ATG10: variants seen among roughly 807,000 people sequenced by gnomAD.
ATG10 encodes the protein ubiquitin-like-conjugating enzyme ATG10.
ATG10 carries 30 observed loss-of-function variants against 32.1 expected under a neutral mutation model. The ratio of observed to expected loss-of-function variants is 0.94; its 90% CI spans 0.70 to 1.27. The LOEUF is 1.27. Ranked by LOEUF, ATG10 falls within the 50% of genes most tolerant of loss-of-function variation. ATG10 has a pLI of 0.00. For missense variants in ATG10, 233 were observed against 262.3 expected, an observed-to-expected ratio of 0.89 and a Z score of 0.77; for synonymous variants, 87 against 91.5, an observed-to-expected ratio of 0.95 and a Z score of 0.28.
rs943214819 is a variant in ATG10 at position 82,015,355 on chromosome 5, T to A, written c.108+27677T>A. On this transcript the variant is annotated intron_variant, in intron 2 of 7. Transcript: ENST00000282185. The stretch of plus-strand genomic sequence containing the variant: ...TCTTTGTGGCATTCTCTGTATTTCC[T>A]GAATTTGAATATTGGCCTGCCTTGC... Among the ~76,000 whole-genome samples, 6 of 152,230 alleles carry A rather than the reference T, an allele frequency of 3.9e-5. No homozygotes were observed. In the South Asian group the frequency reaches 6.2e-4, roughly 16 times the overall value.
At chr5:82,026,857 G>C (rs758951785) in intron 2 of ATG10, among the ~76,000 whole-genome samples, 3 of 151,608 alleles carry the variant, frequency 2.0e-5, no homozygotes, top group Non-Finnish European at 4.4e-5. Flanking sequence ...TCAGGAGTTC[G>C]AGACCACCCT....
chr5:82,210,563 T>G (rs1745455699), intron 5 of ATG10, among the ~76,000 whole-genome samples: 1 of 152,212 alleles, frequency 6.6e-6, no homozygotes, highest in Non-Finnish European at 1.5e-5. Flanking sequence ...CCTTTTCTCC[T>G]GATTCTTTGA....
chr5:82,064,967 C>A (rs1364441890), intron 3 of ATG10, among the ~76,000 whole-genome samples: 1 of 152,094 alleles, frequency 6.6e-6, no homozygotes, highest in Non-Finnish European at 1.5e-5. Context: ...TGCCTAAGGA[C>A]AATAGCTAGG....
chr5:82,105,052 C>A (rs551613556), intron 3 of ATG10, among the ~76,000 whole-genome samples: 1 of 152,198 alleles, frequency 6.6e-6, no homozygotes, highest in African/African-American at 2.4e-5. Context: ...TGTTACCACA[C>A]ACTTGCACAT....
At chr5:82,110,005 T>C (rs1233777562) in intron 3 of ATG10, among the ~76,000 whole-genome samples, 2 of 143,188 alleles carry the variant, frequency 1.4e-5, no homozygotes, top group Non-Finnish European at 3.0e-5. Context: ...TGTGTCCAAA[T>C]GTTCTCATTG....
rs563996458 is a variant in ATG10, at chr5:82,202,971, G to A, written c.453+24384G>A. Among the ~76,000 whole-genome samples, 105 of 152,274 alleles carry A rather than the reference G, an allele frequency of 6.9e-4. 2 individuals carry two copies. The highest frequency in any genetic ancestry group is 6.8e-3 in the South Asian group (33 of 4,826). ...GGGCTGGGTGTGGTGGCTCATGCCTGTAATCCCAGCGCTTTGGAGGCCGAG... is the reference window on the plus strand; with the variant it reads ...GGGCTGGGTGTGGTGGCTCATGCCTATAATCCCAGCGCTTTGGAGGCCGAG... On this transcript the variant is annotated intron_variant, in intron 5 of 7. Coordinates refer to ENST00000282185, the MANE Select transcript of ATG10 (RefSeq NM_031482.5).
intron 3 of ATG10, among the ~76,000 whole-genome samples, chr5:82,158,514 A>G (rs943321557): frequency 2.0e-5 from 3 of 152,132 alleles, no homozygotes; most frequent in Non-Finnish European, 4.4e-5. Flanking sequence ...CATAGCATTT[A>G]CATTGTATTA....
intron 5 of ATG10, among the ~76,000 whole-genome samples, chr5:82,194,817 T>TA (rs1345345772): frequency 6.6e-6 from 1 of 152,198 alleles, no homozygotes; most frequent in African/African-American, 2.4e-5. Context: ...GCCCTGTAGG[T>TA]ATGCTCTGGA....
intron 3 of ATG10, among the ~76,000 whole-genome samples, chr5:82,122,908 T>A (rs183057601): frequency 8.5e-5 from 13 of 152,308 alleles, no homozygotes; most frequent in Admixed American, 7.9e-4. Context: ...ACACTGTTGG[T>A]GGGAGTGTAA....
intron 2 of ATG10, among the ~76,000 whole-genome samples, chr5:82,017,043 A>AT (rs1214094240): frequency 6.6e-6 from 1 of 151,762 alleles, no homozygotes; most frequent in Non-Finnish European, 1.5e-5. Context: ...AGAGCGTGGG[A>AT]TGTGTTTCTA....
rs577140195 is a variant in ATG10, at chr5:82,155,275, T to C, written c.217-9124T>C. 8.5e-5 allele frequency among the ~76,000 whole-genome samples: 13 copies of C among 152,294 alleles called. No individual in the cohort carries two copies. The South Asian group carries it at 2.7e-3, about 32-fold the overall frequency. On this transcript the variant is annotated intron_variant, in intron 3 of 7. Transcript: ENST00000282185. ...ATTTCTTAGACCCTTGGAAATGTAATGTAACATCCTAAGACAGGAAAAAAA... is the reference window on the plus strand; with the variant it reads ...ATTTCTTAGACCCTTGGAAATGTAACGTAACATCCTAAGACAGGAAAAAAA...
rs113447417 is a variant in ATG10 at position 82,185,113 on chromosome 5, C to T, written c.453+6526C>T. On this transcript the variant is annotated intron_variant, in intron 5 of 7. Transcript: ENST00000282185. ...GCATGTATATGCACACACATGAGCA[C>T]GTACACATACACATGCCCCTCTTGG... is the stretch of plus-strand genomic sequence containing the variant. 1.3e-3 allele frequency among the ~76,000 whole-genome samples: 199 copies of T among 152,354 alleles called. 2 individuals are homozygous for T. In the East Asian group the frequency reaches 0.026, roughly 20 times the overall value.
intron 2 of ATG10, among the ~76,000 whole-genome samples, chr5:82,014,072 T>C (rs1389383297): frequency 1.3e-5 from 2 of 152,240 alleles, no homozygotes; most frequent in Non-Finnish European, 2.9e-5. Flanking sequence ...ATTTCTGCCT[T>C]CATTTAGTTA....
intron 5 of ATG10, among the ~76,000 whole-genome samples, chr5:82,218,496 G>A (rs1745786809): frequency 6.6e-6 from 1 of 152,096 alleles, no homozygotes; most frequent in South Asian, 2.1e-4. Flanking sequence ...CGGGAGTGGT[G>A]GAGATAGACC....
intron 3 of ATG10, among the ~76,000 whole-genome samples, chr5:82,126,959 A>G (rs2149835826): frequency 6.6e-6 from 1 of 152,030 alleles, no homozygotes; most frequent in East Asian, 2.0e-4. Flanking sequence ...CAGTTTCAGA[A>G]CTTGTTATTG....
chr5:82,188,262 C>T (rs1744529081), intron 5 of ATG10, among the ~76,000 whole-genome samples: 1 of 152,046 alleles, frequency 6.6e-6, no homozygotes, highest in African/African-American at 2.4e-5. Context: ...GGTTAATGTT[C>T]TTTGTTATGT....
intron 3 of ATG10, among the ~76,000 whole-genome samples, chr5:82,061,401 T>G (rs886454297): frequency 6.6e-6 from 1 of 151,774 alleles, no homozygotes; most frequent in South Asian, 2.1e-4. Flanking sequence ...TCTTCAGGAA[T>G]TTGCTTTAAA....
intron 3 of ATG10, chr5:82,078,446 G>C (rs980711869): frequency 1.3e-5 from 2 of 152,298 alleles, no homozygotes; most frequent in African/African-American, 4.8e-5. Flanking sequence ...GGTGGCACGC[G>C]CCTATAGTCC....
chr5:81,993,375 T>TCC (rs1561244233), intron 2 of ATG10, among the ~76,000 whole-genome samples: 4 of 33,774 alleles, frequency 1.2e-4, no homozygotes, highest in African/African-American at 2.2e-4. Flanking sequence ...TTTCTTTTCT[T>TCC]TTCTTTTCTT....
Sources: gnomAD v4.1 joint callset for allele counts (sites outside exome capture counted in the v4.1 genomes callset) on GRCh38, gnomAD v4.1.1 for gene constraint, MANE v1.5 for transcripts, NCBI Gene and HGNC (gene_info 2026-07-23, HGNC 2026-07-21) for gene names.